The following SHISAL2A variants were observed in gnomAD, a reference collection of about 807,000 sequenced individuals.
SHISAL2A encodes protein shisa-like-2A.
Under a neutral mutation model 11.5 loss-of-function variants are expected in SHISAL2A, and 18 were observed. The ratio of observed to expected loss-of-function variants is 1.57; its 90% CI spans 1.08 to 2.33. The LOEUF (loss-of-function observed/expected upper bound fraction) is 2.33. SHISAL2A is among the 30% of genes most tolerant of loss of function. SHISAL2A has a pLI of 0.00. For synonymous variants in SHISAL2A, 94 were observed against 99.6 expected, an observed-to-expected ratio of 0.94 and a Z score of 0.34; for missense variants, 261 against 250.9, an observed-to-expected ratio of 1.04 and a Z score of -0.27.
intron 2 of SHISAL2A, among the ~76,000 whole-genome samples, chr1:52,650,838 T>C (rs1489772074): frequency 6.6e-6 from 1 of 151,594 alleles, no homozygotes; most frequent in African/African-American, 2.4e-5. Flanking sequence ...AGAAACGGGG[T>C]TTCACTGTGT....
At chr1:52,657,818 G>A (rs1430801289), downstream of SHISAL2A, among the ~76,000 whole-genome samples, 4 of 152,150 alleles carry the variant, frequency 2.6e-5, no homozygotes, top group Non-Finnish European at 4.4e-5. Context: ...TCACACCACT[G>A]CACTCCAGCC....
chr1:52,640,489 C>A (rs1183440788), intron 1 of SHISAL2A, among the ~76,000 whole-genome samples: 1 of 152,050 alleles, frequency 6.6e-6, no homozygotes, highest in Non-Finnish European at 1.5e-5. Context: ...CTTGGCCGGA[C>A]ACGGTAGCTC....
intron 2 of SHISAL2A, among the ~76,000 whole-genome samples, chr1:52,652,360 C>A (rs193293026): frequency 6.6e-6 from 1 of 152,212 alleles, no homozygotes; most frequent in East Asian, 1.9e-4. Context: ...TGAAATACTG[C>A]AAAAAGAACT....
At chr1:52,643,134 T>C in intron 2 of SHISAL2A, 132 bp downstream of exon 2, 1 of 831,924 alleles carries the variant, frequency 1.2e-6, no homozygotes, top group East Asian at 2.6e-5. Flanking sequence ...CAGCGGCACA[T>C]TTTTCTGGAG....
At chr1:52,661,679 C>A (rs1172254934), downstream of SHISAL2A, among the ~76,000 whole-genome samples, 2 of 152,140 alleles carry the variant, frequency 1.3e-5, no homozygotes, top group African/African-American at 4.8e-5. Flanking sequence ...GAGCAGATGA[C>A]CCACTCTGAG....
At chr1:52,664,959 T>C (rs941376301) in intron 4 of SHISAL2A, among the ~76,000 whole-genome samples, 3 of 152,140 alleles carry the variant, frequency 2.0e-5, no homozygotes, top group African/African-American at 4.8e-5. Context: ...TAGCTAATTT[T>C]TGTATTTTTA....
intron 2 of SHISAL2A, among the ~76,000 whole-genome samples, chr1:52,643,484 C>T (rs915594692): frequency 1.3e-5 from 2 of 152,060 alleles, no homozygotes; most frequent in Non-Finnish European, 2.9e-5. Flanking sequence ...CTCTAAGGGG[C>T]CAAAAATAAA....
chr1:52,633,516 A>G lies in SHISAL2A; in HGVS notation c.23A>G (p.Tyr8Cys). Residue 8 changes from tyrosine to cysteine, a missense_variant, in exon 1 of 3, where the codon TAC (tyrosine) becomes TGC (cysteine). Transcript: ENST00000517870. The surrounding 1 kb of genome is among the most constrained non-coding windows in gnomAD (Gnocchi z 6.4). ...GCGATGAGCGGCGCCTGCACGAGCTACGTGAGCGCAGAGCAGGAGGTGGTG... is the reference window on the plus strand; with the variant it reads ...GCGATGAGCGGCGCCTGCACGAGCTGCGTGAGCGCAGAGCAGGAGGTGGTG... MSGACTS[Y>C]VSAEQEVVRG... The G allele has an allele frequency of 6.4e-7, 1 of 1,571,980 alleles. No individual in the cohort carries two copies. The highest frequency in any genetic ancestry group is 8.6e-7 in the Non-Finnish European group (1 of 1,162,848).
Position 52,633,573 on chromosome 1 carries a change from A to G in SHISAL2A, c.80A>G (p.Glu27Gly). The change falls in exon 1 of 3, where the codon GAG becomes GGG. Residue 27 changes from glutamate to glycine, a missense_variant. Physicochemically the swap from Glu to Gly is moderately conservative, Grantham distance 98 (BLOSUM62 -2). Transcript: ENST00000517870. The surrounding 1 kb of genome is among the most constrained non-coding windows in gnomAD (Gnocchi z 6.4). ...TTCAGCTGCCCGCGGCCGGGGGGCG[A>G]GGCGGCCGCTGTCTTCTGCTGCGGC... is the stretch of plus-strand genomic sequence containing the variant. ...RGFSCPRPGG[E>G]AAAVFCCGFR... 6.8e-6 allele frequency: 11 copies of G among 1,611,306 alleles called. No homozygotes were observed. The highest frequency in any genetic ancestry group is 9.3e-6 in the Non-Finnish European group (11 of 1,178,968).
In SHISAL2A at chr1:52,656,967, C is replaced by T. The variant is rs1571699727; in HGVS notation, c.500C>T (p.Thr167Ile). Residue 167 changes from threonine to isoleucine, a missense_variant, in exon 3 of 3, where the codon ACC becomes ATC. Coordinates refer to ENST00000517870, the MANE Select transcript of SHISAL2A (RefSeq NM_001042693.3). ...LLHHCFMATV[T>I]TSDIPGSPEE... ...CATCATTGCTTCATGGCCACAGTGACCACCAGTGACATTCCAGGCAGCCCT... is the reference window on the plus strand; with the variant it reads ...CATCATTGCTTCATGGCCACAGTGATCACCAGTGACATTCCAGGCAGCCCT... The T allele has an allele frequency of 1.2e-6, 2 of 1,614,176 alleles. No homozygotes were observed. The highest frequency in any genetic ancestry group is 1.7e-6 in the Non-Finnish European group (2 of 1,180,010).
At chr1:52,661,544 T>A (rs1199576922), downstream of SHISAL2A, among the ~76,000 whole-genome samples, 1 of 152,106 alleles carries the variant, frequency 6.6e-6, no homozygotes, top group Non-Finnish European at 1.5e-5. Context: ...CCAGGAGAGC[T>A]CCATGCCTTG....
At position 52,633,538 on chromosome 1, in the gene SHISAL2A, G is replaced by A; in HGVS notation, c.45G>A (p.Val15=). The change falls in exon 1 of 3, where the codon GTG becomes GTA. Residue 15 remains valine (V), a synonymous_variant. Coordinates refer to ENST00000517870, the MANE Select transcript of SHISAL2A (RefSeq NM_001042693.3). This position sits in a 1 kb window ranked among gnomAD's most constrained non-coding sequence, Gnocchi z 6.4. ...GCTACGTGAGCGCAGAGCAGGAGGT[G>A]GTGCGCGGCTTCAGCTGCCCGCGGC... The part of the protein sequence containing the change: ...CTSYVSAEQE[V]VRGFSCPRPG... 6.2e-7 allele frequency: 1 copy of A among 1,605,472 alleles called. No individual in the cohort carries two copies. The highest frequency in any genetic ancestry group is 1.3e-5 in the African/African-American group (1 of 74,376).
intron 1 of SHISAL2A, among the ~76,000 whole-genome samples, chr1:52,640,817 C>T (rs1024116849): frequency 6.6e-6 from 1 of 152,086 alleles, no homozygotes; most frequent in Non-Finnish European, 1.5e-5. Context: ...AATGAGATGA[C>T]TCATGGTGGG....
In SHISAL2A at chr1:52,633,519, T is replaced by A. The variant is rs1278922994; in HGVS notation, c.26T>A (p.Val9Glu). Residue 9 changes from valine to glutamate, a missense_variant, in exon 1 of 3, where the codon GTG becomes GAG. Transcript: ENST00000517870. This position sits in a 1 kb window ranked among gnomAD's most constrained non-coding sequence, Gnocchi z 6.4. MSGACTSYVSAEQEVVRGF... is the reference protein window; with the variant it reads MSGACTSYESAEQEVVRGF... ...ATGAGCGGCGCCTGCACGAGCTACG[T>A]GAGCGCAGAGCAGGAGGTGGTGCGC... 4 of 1,579,468 alleles carry A rather than the reference T, an allele frequency of 2.5e-6. No individual in the cohort carries two copies. The highest frequency in any genetic ancestry group is 3.6e-5 in the Admixed American group (2 of 55,562).
intron 5 of SHISAL2A, among the ~76,000 whole-genome samples, chr1:52,667,864 C>T (rs1054556508): frequency 6.6e-6 from 1 of 152,090 alleles, no homozygotes; most frequent in Non-Finnish European, 1.5e-5. Context: ...AATGCCCTGC[C>T]CAACCTCACA....
At chr1:52,646,118 ATT>A (rs1366762682) in intron 2 of SHISAL2A, among the ~76,000 whole-genome samples, 2 of 152,202 alleles carry the variant, frequency 1.3e-5, no homozygotes, top group Non-Finnish European at 2.9e-5. Context: ...GTATGTAAAC[ATT>A]TTTGGTTGTC....
downstream of SHISAL2A, among the ~76,000 whole-genome samples, chr1:52,659,035 GGTGGTGGT>G (rs956275454): frequency 5.8e-5 from 7 of 121,174 alleles, no homozygotes; most frequent in African/African-American, 2.1e-4. Flanking sequence ...TGGTGGTGGT[GGTGGTGGT>G]GTGTGTGTGT....
At position 52,633,261 on chromosome 1, in the gene SHISAL2A, C is replaced by T. The variant is rs1691166225; in HGVS notation, c.-233C>T. On this transcript the variant is annotated 5_prime_UTR_variant, in exon 1 of 3. Coordinates refer to ENST00000517870, the MANE Select transcript of SHISAL2A (RefSeq NM_001042693.3). This position sits in a 1 kb window ranked among gnomAD's most constrained non-coding sequence, Gnocchi z 6.4. ...CAGCCGTCACTCCCGCCGCCGGCCC[C>T]CGCCGCCCGCCCCGCCTGCCCCTAC... The T allele has an allele frequency of 2.9e-6, 1 of 349,986 alleles. No homozygotes were observed. Among genetic ancestry groups the T allele is most frequent in the Non-Finnish European group, 5.1e-6 (1 of 196,392 alleles). 21.7% of individuals were successfully genotyped at this position (349,986 alleles called of 1,614,324 possible).
At chr1:52,649,794 A>G (rs975541137) in intron 2 of SHISAL2A, among the ~76,000 whole-genome samples, 3 of 152,220 alleles carry the variant, frequency 2.0e-5, no homozygotes, top group African/African-American at 4.8e-5. Flanking sequence ...ATATCTAGGT[A>G]CATTTAATAA....
Sources: allele counts gnomAD v4.1 joint callset (sites outside exome capture counted in the v4.1 genomes callset), GRCh38; gene constraint gnomAD v4.1.1; non-coding constraint Gnocchi (gnomAD v3.1); transcripts MANE v1.5; gene names NCBI Gene and HGNC (gene_info 2026-07-23, HGNC 2026-07-21).